The following FRMD4A variants were observed in gnomAD, a reference collection of about 807,000 sequenced individuals.
The protein encoded by FRMD4A is FERM domain-containing protein 4A.
Under a neutral mutation model 129.1 loss-of-function variants are expected in FRMD4A, and 29 were observed. That is an observed-to-expected ratio of 0.22 (90% CI 0.17 to 0.31). FRMD4A has a LOEUF of 0.31. FRMD4A is among the 10% of genes least tolerant of loss of function. The probability of loss-of-function intolerance (pLI) is 1.00; values close to 1 mark genes in which losing one functional copy is unlikely to be tolerated. For synonymous variants in FRMD4A, 634 were observed against 571.6 expected (o/e 1.11, Z -1.56); for missense variants, 1,272 against 1,375.8 (o/e 0.92, Z 1.19).
chr10:13,762,550 A>T, intron 7 of FRMD4A, 74 bp downstream of exon 7: 1 of 846,840 alleles, frequency 1.2e-6, no homozygotes, highest in Non-Finnish European at 2.0e-6. Flanking sequence ...GCTACTGGCT[A>T]TGCCTGGTAA....
intron 2 of FRMD4A, among the ~76,000 whole-genome samples, chr10:14,139,583 G>T (rs889109772): frequency 6.6e-6 from 1 of 151,694 alleles, no homozygotes; most frequent in Admixed American, 6.6e-5. Flanking sequence ...CCAAGTAGCT[G>T]GGACCACAAG....
intron 2 of FRMD4A, among the ~76,000 whole-genome samples, chr10:14,229,644 G>A (rs756569586): frequency 6.6e-5 from 10 of 152,084 alleles, no homozygotes; most frequent in Admixed American, 1.3e-4. Flanking sequence ...TCAGTAAGTT[G>A]CCCAGGCTGG....
chr10:14,263,292 A>C (rs1844866850), intron 2 of FRMD4A, among the ~76,000 whole-genome samples: 1 of 152,142 alleles, frequency 6.6e-6, no homozygotes, highest in Non-Finnish European at 1.5e-5. Context: ...CTCTGCACAG[A>C]AACAGGGCAT....
intron 3 of FRMD4A, among the ~76,000 whole-genome samples, chr10:13,844,491 A>C (rs1457964870): frequency 1.3e-5 from 2 of 152,186 alleles, no homozygotes; most frequent in Non-Finnish European, 2.9e-5. Flanking sequence ...GGCCAAAGTA[A>C]AGGAATGCCG....
intron 2 of FRMD4A, among the ~76,000 whole-genome samples, chr10:14,121,089 C>T (rs902461245): frequency 5.9e-5 from 9 of 152,236 alleles, no homozygotes; most frequent in East Asian, 1.9e-4. Flanking sequence ...AGATTCTGGC[C>T]GGGTGTGGTG....
At chr10:13,860,778 T>A (rs1046706398) in intron 2 of FRMD4A, among the ~76,000 whole-genome samples, 1 of 152,132 alleles carries the variant, frequency 6.6e-6, no homozygotes, top group Non-Finnish European at 1.5e-5. Flanking sequence ...GGAGCTCTTG[T>A]TTTAATTTAA....
intron 2 of FRMD4A, among the ~76,000 whole-genome samples, chr10:14,227,438 G>A (rs1782692164): frequency 6.6e-6 from 1 of 151,606 alleles, no homozygotes. Flanking sequence ...TTTTAGTAGA[G>A]ATGAGGTTTC....
chr10:14,066,008 T>TTTTGTGTG lies in FRMD4A; in HGVS notation c.46-207097_46-207096insCACACAAA, dbSNP rs372195558. On this transcript the variant is annotated intron_variant, in intron 2 of 24. Coordinates refer to ENST00000357447, the MANE Select transcript of FRMD4A (RefSeq NM_018027.5). ...GGAAGTATGAAGTGGGGGTATGTAT[T>TTTTGTGTG]TGTGTGTGTGTGTGTGTGTGTGTGT... 5.7e-5 allele frequency among the ~76,000 whole-genome samples: 8 copies of TTTTGTGTG among 139,222 alleles called. No homozygotes were observed. In the South Asian group the frequency reaches 1.5e-3, roughly 26 times the overall value. 91.3% of individuals were successfully genotyped at this position (139,222 alleles called of 152,430 possible).
At chr10:13,796,183 T>C (rs770490200) in intron 5 of FRMD4A, among the ~76,000 whole-genome samples, 2 of 152,190 alleles carry the variant, frequency 1.3e-5, no homozygotes, top group African/African-American at 2.4e-5. Flanking sequence ...TCCCACGGCC[T>C]GTGCTATAAG....
At chr10:13,937,193 G>C (rs2095255803) in intron 2 of FRMD4A, among the ~76,000 whole-genome samples, 1 of 152,184 alleles carries the variant, frequency 6.6e-6, no homozygotes. Flanking sequence ...GAAGCTACAT[G>C]TCTTTAGAAA....
At chr10:13,861,211 T>C (rs918831199) in intron 2 of FRMD4A, among the ~76,000 whole-genome samples, 20 of 152,130 alleles carry the variant, frequency 1.3e-4, no homozygotes, top group Admixed American at 4.6e-4. Flanking sequence ...CTAAAACTCA[T>C]ATGGTGAAGC....
chr10:13,847,951 G>C (rs1340180493), intron 3 of FRMD4A, among the ~76,000 whole-genome samples: 1 of 152,242 alleles, frequency 6.6e-6, no homozygotes, highest in African/African-American at 2.4e-5. Context: ...GACAGCCACA[G>C]ATTTGTTACC....
rs532876640 is a variant in FRMD4A at position 13,713,812 on chromosome 10, T to C, written c.760-6699A>G. On this transcript the variant is annotated intron_variant, in intron 12 of 24. Transcript: ENST00000357447. ...TACATATATGTAATATATATACACATATATATAATATATATACATATATGT... is the reference window on the plus strand; with the variant it reads ...TACATATATGTAATATATATACACACATATATAATATATATACATATATGT... 1.7e-4 allele frequency among the ~76,000 whole-genome samples: 17 copies of C among 101,484 alleles called. 1 individual carries two copies. The highest frequency in any genetic ancestry group is 2.8e-4 in the East Asian group (1 of 3,524). 66.6% of individuals were successfully genotyped at this position (101,484 alleles called of 152,430 possible). A position where few individuals can be genotyped will look rare whatever the true frequency, so the allele number is the denominator to read the frequency against.
chr10:13,891,628 T>C (rs1351122769), intron 2 of FRMD4A: 4 of 985,174 alleles, frequency 4.1e-6, no homozygotes, highest in Non-Finnish European at 3.6e-6. Context: ...CATTACCTTT[T>C]ATTTTTTGCG....
intron 2 of FRMD4A, among the ~76,000 whole-genome samples, chr10:14,278,518 C>T (rs145487069): frequency 2.8e-4 from 42 of 152,318 alleles, no homozygotes; most frequent in Non-Finnish European, 5.4e-4. Context: ...CTTTCAGCGA[C>T]TCCTCCAAGC....
intron 2 of FRMD4A, among the ~76,000 whole-genome samples, chr10:14,250,625 A>C (rs1844405662): frequency 6.6e-6 from 1 of 152,254 alleles, no homozygotes; most frequent in Non-Finnish European, 1.5e-5. Flanking sequence ...GCCAAAAATC[A>C]AGCAAGCTCT....
At chr10:14,172,135 G>A (rs1841509113) in intron 2 of FRMD4A, among the ~76,000 whole-genome samples, 5 of 151,928 alleles carry the variant, frequency 3.3e-5, no homozygotes. Flanking sequence ...TTTTCAATAT[G>A]GAAATATCCA....
At chr10:14,227,061 C>G (rs1036469750) in intron 2 of FRMD4A, among the ~76,000 whole-genome samples, 1 of 152,094 alleles carries the variant, frequency 6.6e-6, no homozygotes, top group Non-Finnish European at 1.5e-5. Flanking sequence ...CCACTCCCCA[C>G]GAGGGCTGCA....
At chr10:13,738,425 C>G (rs936817372) in intron 11 of FRMD4A, among the ~76,000 whole-genome samples, 2 of 152,106 alleles carry the variant, frequency 1.3e-5, no homozygotes, top group Non-Finnish European at 2.9e-5. Flanking sequence ...CAAATCACAG[C>G]AAAGAGTTGG....
Sources: allele counts gnomAD v4.1 joint callset (sites outside exome capture counted in the v4.1 genomes callset), GRCh38; gene constraint gnomAD v4.1.1; transcripts MANE v1.5; gene names NCBI Gene and HGNC (gene_info 2026-07-23, HGNC 2026-07-21).